Variants in CNTNAP2 observed in about 807,000 individuals in gnomAD.
The protein encoded by CNTNAP2 is contactin associated protein 2.
CNTNAP2 carries 98 observed loss-of-function variants against 155.2 expected under a neutral mutation model. The ratio of observed to expected loss-of-function variants is 0.63; its 90% CI spans 0.54 to 0.75. The LOEUF (loss-of-function observed/expected upper bound fraction) is 0.75, where lower values mean the gene tolerates loss of function less well. Ranked by LOEUF, CNTNAP2 falls within the 30% of genes least tolerant of loss-of-function variation. The pLI is 0.00. For synonymous variants in CNTNAP2, 651 were observed against 631.2 expected (o/e 1.03, Z -0.47); for missense variants, 1,727 against 1,688.1 (o/e 1.02, Z -0.40).
chr7:148,344,831 C>T (rs2116586868), intron 21 of CNTNAP2, among the ~76,000 whole-genome samples: 1 of 152,230 alleles, frequency 6.6e-6, no homozygotes, highest in Admixed American at 6.5e-5. Flanking sequence ...AAGCCAAAAC[C>T]AATAAAATGA....
In CNTNAP2 at chr7:147,907,307, C is replaced by A. The variant is rs145591459; in HGVS notation, c.2255+3586C>A. Among the ~76,000 whole-genome samples the A allele has an allele frequency of 5.5e-3, 836 of 152,264 alleles. 4 individuals carry two copies. The highest frequency in any genetic ancestry group is 0.019 in the African/African-American group (795 of 41,542). ...TCCTGACCTCGTGATCTGCCCACCT[C>A]GGCCTCCCAAAGTGCTGGGATTACA... On this transcript the variant is annotated intron_variant, in intron 14 of 23. Coordinates refer to ENST00000361727, the MANE Select transcript of CNTNAP2 (RefSeq NM_014141.6).
At chr7:148,102,400 G>T (rs1204097017) in intron 15 of CNTNAP2, among the ~76,000 whole-genome samples, 1 of 152,168 alleles carries the variant, frequency 6.6e-6, no homozygotes. Context: ...TTGATTCCAT[G>T]TCATTGCTGT....
At chr7:146,862,157 G>A (rs1338470665) in intron 3 of CNTNAP2, among the ~76,000 whole-genome samples, 16 of 152,052 alleles carry the variant, frequency 1.1e-4, no homozygotes, top group Non-Finnish European at 2.2e-4. Context: ...CTGCCAGTTC[G>A]TTATTCATTC....
intron 1 of CNTNAP2, among the ~76,000 whole-genome samples, chr7:146,341,839 A>G (rs767116580): frequency 1.3e-5 from 2 of 152,166 alleles, no homozygotes; most frequent in African/African-American, 2.4e-5. Context: ...CCCATGCCTG[A>G]ATGCATTTTG....
intron 8 of CNTNAP2, among the ~76,000 whole-genome samples, chr7:147,137,901 A>ATAGG (rs1184126828): frequency 6.1e-5 from 8 of 132,178 alleles, no homozygotes; most frequent in African/African-American, 1.0e-4. Flanking sequence ...AGATAGATAG[A>ATAGG]TAGATAGATA....
At chr7:146,726,178 G>A (rs1382833808) in intron 1 of CNTNAP2, among the ~76,000 whole-genome samples, 2 of 152,052 alleles carry the variant, frequency 1.3e-5, no homozygotes, top group African/African-American at 4.8e-5. Context: ...TTGGTATAGA[G>A]AAACAAAGGT....
chr7:146,817,921 G>A (rs1803205077), intron 2 of CNTNAP2, among the ~76,000 whole-genome samples: 1 of 151,988 alleles, frequency 6.6e-6, no homozygotes, highest in Admixed American at 6.6e-5. Flanking sequence ...GAAAAAATAA[G>A]CCAACTAGAA....
intron 3 of CNTNAP2, among the ~76,000 whole-genome samples, chr7:146,912,679 C>T (rs1215308404): frequency 6.6e-6 from 1 of 152,110 alleles, no homozygotes; most frequent in Non-Finnish European, 1.5e-5. Flanking sequence ...TGTATATTCA[C>T]TTTCCCATTT....
At chr7:147,265,523 C>T (rs1446266118) in intron 8 of CNTNAP2, among the ~76,000 whole-genome samples, 1 of 152,176 alleles carries the variant, frequency 6.6e-6, no homozygotes, top group African/African-American at 2.4e-5. Flanking sequence ...GGCCTGAGCC[C>T]CTAGTGGGAG....
At position 147,541,765 on chromosome 7, in the gene CNTNAP2, A is replaced by C. The variant is rs879513156; in HGVS notation, c.1778-20373A>C. Among the ~76,000 whole-genome samples, 7 of 152,322 alleles carry C rather than the reference A, an allele frequency of 4.6e-5. No individual in the cohort carries two copies. In the South Asian group the frequency reaches 6.2e-4, roughly 14 times the overall value. ...TTTTAACCTTCTCATATTATGTTTA[A>C]TGATTAAAATGAGTTTGATCTTTCC... On this transcript the variant is annotated intron_variant, in intron 11 of 23. Transcript: ENST00000361727.
intron 3 of CNTNAP2, among the ~76,000 whole-genome samples, chr7:146,864,083 A>G (rs1277788784): frequency 1.3e-5 from 2 of 152,078 alleles, no homozygotes; most frequent in Non-Finnish European, 2.9e-5. Flanking sequence ...TTCTATATGT[A>G]TAATATCATT....
At chr7:147,854,636 T>G (rs1467878993) in intron 13 of CNTNAP2, among the ~76,000 whole-genome samples, 1 of 152,232 alleles carries the variant, frequency 6.6e-6, no homozygotes, top group African/African-American at 2.4e-5. Flanking sequence ...GCACAGTGGT[T>G]CCTAGCCACA....
chr7:146,596,621 GAGAGA>G (rs1229955931), intron 1 of CNTNAP2, among the ~76,000 whole-genome samples: 4 of 150,998 alleles, frequency 2.6e-5, no homozygotes, highest in African/African-American at 9.7e-5. Context: ...GAGAGAGAGA[GAGAGA>G]GAGAGAGAGA....
chr7:146,282,889 C>G (rs147298100), intron 1 of CNTNAP2, among the ~76,000 whole-genome samples: 4 of 152,148 alleles, frequency 2.6e-5, no homozygotes, highest in Non-Finnish European at 5.9e-5. Context: ...CGTGGCACAG[C>G]TGAATTTGGT....
At chr7:147,608,556 C>A (rs191578713) in intron 12 of CNTNAP2, among the ~76,000 whole-genome samples, 1 of 152,090 alleles carries the variant, frequency 6.6e-6, no homozygotes, top group Admixed American at 6.6e-5. Flanking sequence ...CCTGCCTCAG[C>A]CTCCCAAAGA....
intron 8 of CNTNAP2, among the ~76,000 whole-genome samples, chr7:147,193,014 A>G (rs1280578198): frequency 1.3e-5 from 2 of 152,196 alleles, no homozygotes; most frequent in East Asian, 3.9e-4. Flanking sequence ...AACGCCTTGC[A>G]AAGTAGTGAT....
intron 11 of CNTNAP2, among the ~76,000 whole-genome samples, chr7:147,536,519 T>G (rs1407154926): frequency 6.6e-6 from 1 of 152,188 alleles, no homozygotes; most frequent in Non-Finnish European, 1.5e-5. Context: ...AGACCCCAGC[T>G]GCCTTGTGCC....
At chr7:147,042,446 C>T (rs1799277900) in intron 3 of CNTNAP2, among the ~76,000 whole-genome samples, 1 of 151,998 alleles carries the variant, frequency 6.6e-6, no homozygotes. Flanking sequence ...GGAATTTGAC[C>T]GGGGAATGCG....
At chr7:148,283,235 GTC>G (rs1274524261) in intron 21 of CNTNAP2, among the ~76,000 whole-genome samples, 2 of 33,586 alleles carry the variant, frequency 6.0e-5, no homozygotes, top group African/African-American at 2.0e-4. Flanking sequence ...AAGCAACTCT[GTC>G]TCAAAAAAAA....
Sources: allele counts gnomAD v4.1 joint callset (sites outside exome capture counted in the v4.1 genomes callset), GRCh38; gene constraint gnomAD v4.1.1; transcripts MANE v1.5; gene names NCBI Gene and HGNC (gene_info 2026-07-23, HGNC 2026-07-21).